Variants in LINGO2 observed in about 807,000 individuals in gnomAD.
The protein encoded by LINGO2 is leucine rich repeat and Ig domain containing 2, also known as leucine-rich repeat and immunoglobulin-like domain-containing nogo receptor-interacting protein 2.
LINGO2 carries 14 observed loss-of-function variants against 30.6 expected under a neutral mutation model. The observed-to-expected ratio is 0.46, with a 90% confidence interval of 0.30 to 0.72. The LOEUF (loss-of-function observed/expected upper bound fraction) is 0.72, where lower values mean the gene tolerates loss of function less well. Ranked by LOEUF, LINGO2 falls within the 30% of genes least tolerant of loss-of-function variation. The probability of loss-of-function intolerance (pLI) is 0.07; values close to 1 mark genes in which losing one functional copy is unlikely to be tolerated. For synonymous variants in LINGO2, 317 were observed against 288.5 expected (o/e 1.10, Z -1.00); for missense variants, 729 against 751.7 (o/e 0.97, Z 0.35).
At chr9:28,053,619 T>C (rs1824778449) in intron 4 of LINGO2, among the ~76,000 whole-genome samples, 1 of 152,082 alleles carries the variant, frequency 6.6e-6, no homozygotes, top group Admixed American at 6.6e-5. Flanking sequence ...GCAAATTAGA[T>C]GAGTGGTTCT....
At chr9:27,964,845 T>C (rs1241554481) in intron 5 of LINGO2, among the ~76,000 whole-genome samples, 7 of 152,066 alleles carry the variant, frequency 4.6e-5, no homozygotes, top group Non-Finnish European at 8.8e-5. Context: ...AGTTATTCCA[T>C]AGTCTCTAGG....
chr9:28,541,738 C>A (rs942696729), intron 1 of LINGO2, among the ~76,000 whole-genome samples: 2 of 152,128 alleles, frequency 1.3e-5, no homozygotes, highest in Non-Finnish European at 2.9e-5. Flanking sequence ...TAAATCATTA[C>A]AGGGAGCAGA....
intron 4 of LINGO2, among the ~76,000 whole-genome samples, chr9:28,079,942 C>T (rs1004837549): frequency 4.6e-5 from 7 of 152,154 alleles, no homozygotes; most frequent in Middle Eastern, 3.2e-3. Context: ...ACTCCGTTGC[C>T]GAAGTAAAAA....
chr9:29,155,782 G>GT, the LINGO2 span, among the ~76,000 whole-genome samples: 1 of 151,908 alleles, frequency 6.6e-6, no homozygotes, highest in African/African-American at 2.4e-5. Context: ...TGCTATGTTT[G>GT]TGTTTCCTTT....
chr9:28,418,122 A>G (rs556660275), intron 2 of LINGO2, among the ~76,000 whole-genome samples: 41 of 152,218 alleles, frequency 2.7e-4, no homozygotes, highest in African/African-American at 9.9e-4. Flanking sequence ...TCAATAATTT[A>G]TTTAGACTTC....
intron 2 of LINGO2, among the ~76,000 whole-genome samples, chr9:28,386,064 G>C (rs1821567467): frequency 1.3e-5 from 2 of 152,048 alleles, no homozygotes; most frequent in Admixed American, 1.3e-4. Flanking sequence ...CTTTAATATT[G>C]GAAGCCTTGC....
At chr9:29,111,220 T>C in the LINGO2 span, among the ~76,000 whole-genome samples, 1 of 152,316 alleles carries the variant, frequency 6.6e-6, no homozygotes, top group East Asian at 1.9e-4. Flanking sequence ...TTGTGTTCTG[T>C]TGACACAGTC....
intron 3 of LINGO2, among the ~76,000 whole-genome samples, chr9:28,317,959 C>T (rs1173488914): frequency 6.6e-6 from 1 of 152,088 alleles, no homozygotes; most frequent in Non-Finnish European, 1.5e-5. Context: ...TTTGAATGGC[C>T]ATTCTCTCAG....
At chr9:28,985,840 T>C in the LINGO2 span, among the ~76,000 whole-genome samples, 2 of 152,126 alleles carry the variant, frequency 1.3e-5, no homozygotes, top group Non-Finnish European at 2.9e-5. Flanking sequence ...CTCTTTCCTC[T>C]GATGTGCAGA....
the LINGO2 span, among the ~76,000 whole-genome samples, chr9:29,024,684 A>G: frequency 6.6e-6 from 1 of 152,132 alleles, no homozygotes; most frequent in African/African-American, 2.4e-5. Flanking sequence ...GCGATGGAGA[A>G]GGCAGAGTGA....
At chr9:28,763,290 A>G in the LINGO2 span, among the ~76,000 whole-genome samples, 1 of 152,068 alleles carries the variant, frequency 6.6e-6, no homozygotes, top group Non-Finnish European at 1.5e-5. Context: ...ACATGTTGTT[A>G]AAACAAGTCT....
At chr9:29,134,070 T>G in the LINGO2 span, among the ~76,000 whole-genome samples, 1 of 152,296 alleles carries the variant, frequency 6.6e-6, no homozygotes, top group Admixed American at 6.5e-5. Flanking sequence ...ATGATGAGTT[T>G]ATTGTTTTCC....
chr9:28,877,691 C>T, the LINGO2 span, among the ~76,000 whole-genome samples: 1 of 152,142 alleles, frequency 6.6e-6, no homozygotes, highest in Non-Finnish European at 1.5e-5. Context: ...AGCGTGATGC[C>T]TCCAGCTTTG....
chr9:28,988,504 T>C, the LINGO2 span, among the ~76,000 whole-genome samples: 3 of 152,266 alleles, frequency 2.0e-5, no homozygotes, highest in East Asian at 3.9e-4. Flanking sequence ...ATGTCTTTTA[T>C]TGGTGAATTT....
chr9:28,335,560 T>G (rs1244282868), intron 3 of LINGO2, among the ~76,000 whole-genome samples: 1 of 152,186 alleles, frequency 6.6e-6, no homozygotes, highest in Non-Finnish European at 1.5e-5. Context: ...GCTCTGGGGT[T>G]TCCTTAACAA....
chr9:28,614,618 T>C lies in LINGO2; in HGVS notation c.-365+55582A>G, dbSNP rs146226238. Among the ~76,000 whole-genome samples the C allele has an allele frequency of 5.9e-3, 901 of 152,222 alleles. 11 individuals carry two copies. The highest frequency in any genetic ancestry group is 8.8e-3 in the Non-Finnish European group (596 of 67,960). ...CTTTAAAGAGGCAGCTAGATTTCAT[T>C]TGGAAGGCAGGCAGAGAAATATATC... On this transcript the variant is annotated intron_variant, in intron 1 of 5. Coordinates refer to ENST00000379992, the Ensembl canonical transcript of LINGO2.
chr9:28,547,538 A>G (rs1422858756), intron 1 of LINGO2, among the ~76,000 whole-genome samples: 1 of 152,124 alleles, frequency 6.6e-6, no homozygotes, highest in East Asian at 1.9e-4. Context: ...GTTCTTTAAG[A>G]AAGGGTGAGC....
At chr9:28,828,625 C>G in the LINGO2 span, among the ~76,000 whole-genome samples, 1 of 151,382 alleles carries the variant, frequency 6.6e-6, no homozygotes, top group Non-Finnish European at 1.5e-5. Context: ...TATCCACATT[C>G]CTACCAGACT....
chr9:29,188,918 C>T, the LINGO2 span, among the ~76,000 whole-genome samples: 15 of 141,194 alleles, frequency 1.1e-4, no homozygotes, highest in Admixed American at 4.2e-4. Context: ...CGGGCAGAGG[C>T]GCCCCTCACC....
Sources: allele counts gnomAD v4.1 joint callset (sites outside exome capture counted in the v4.1 genomes callset), GRCh38; gene constraint gnomAD v4.1.1; transcripts MANE v1.5; gene names NCBI Gene and HGNC (gene_info 2026-07-23, HGNC 2026-07-21).